The following ACTR3C variants were observed in gnomAD, a reference collection of about 807,000 sequenced individuals.
ACTR3C encodes the protein actin-related protein 3C.
A neutral mutation model predicts 26.3 loss-of-function variants in ACTR3C; 18 were observed. The observed-to-expected ratio is 0.68, with a 90% CI of 0.47 to 1.01. ACTR3C has a LOEUF of 1.01. Ranked by LOEUF, ACTR3C falls within the 50% of genes least tolerant of loss-of-function variation. The pLI is 0.00. For synonymous variants in ACTR3C, 55 were observed against 94.5 expected (o/e 0.58, Z 2.42); for missense variants, 184 against 250.7 (o/e 0.73, Z 1.80).
chr7:150,185,548 C>T, the ACTR3C span, among the ~76,000 whole-genome samples: 1 of 152,068 alleles, frequency 6.6e-6, no homozygotes, highest in Admixed American at 6.6e-5. Flanking sequence ...GAGGCAAGTT[C>T]ATAGGAGTGG....
At chr7:149,987,837 G>T in the ACTR3C span, among the ~76,000 whole-genome samples, 1 of 151,974 alleles carries the variant, frequency 6.6e-6, no homozygotes, top group African/African-American at 2.4e-5. Flanking sequence ...AGAAGAATCT[G>T]TTCAACAAAC....
the ACTR3C span, among the ~76,000 whole-genome samples, chr7:149,911,593 GA>G: frequency 4.9e-5 from 7 of 143,120 alleles, no homozygotes; most frequent in East Asian, 2.1e-4. Context: ...GATGGAACCA[GA>G]AAAAAAAATC....
chr7:150,060,606 G>GCAAAA, the ACTR3C span, among the ~76,000 whole-genome samples: 2 of 152,160 alleles, frequency 1.3e-5, no homozygotes, highest in African/African-American at 2.4e-5. Context: ...CAAAGCCAAA[G>GCAAAA]CAAAACAAAA....
intron 7 of ACTR3C, chr7:150,248,386 G>T (rs2129608920): frequency 6.6e-6 from 1 of 152,278 alleles, no homozygotes; most frequent in South Asian, 2.1e-4. Context: ...GAGTAGGCCG[G>T]GTGCGGTGGC....
At chr7:150,263,043 GA>G (rs1489482621) in intron 6 of ACTR3C, among the ~76,000 whole-genome samples, 6 of 152,200 alleles carry the variant, frequency 3.9e-5, no homozygotes, top group Non-Finnish European at 7.4e-5. Context: ...TAACGAACTA[GA>G]AGACTCTGTC....
chr7:149,943,113 G>GT, the ACTR3C span, among the ~76,000 whole-genome samples: 1 of 151,766 alleles, frequency 6.6e-6, no homozygotes, highest in Non-Finnish European at 1.5e-5. Context: ...GGGGCCTGCT[G>GT]TTTTGTAAAT....
At chr7:150,002,823 C>T in the ACTR3C span, 3 of 152,166 alleles carry the variant, frequency 2.0e-5, no homozygotes, top group African/African-American at 7.2e-5. Flanking sequence ...TCTATGCCAG[C>T]AGGAATTAAA....
At chr7:150,282,795 G>A (rs1344124386) in intron 6 of ACTR3C, among the ~76,000 whole-genome samples, 1 of 139,466 alleles carries the variant, frequency 7.2e-6, no homozygotes, top group African/African-American at 3.0e-5. Flanking sequence ...AGGATCGCTT[G>A]AGCCCGAGAG....
chr7:150,026,935 A>G, the ACTR3C span, among the ~76,000 whole-genome samples: 2 of 152,144 alleles, frequency 1.3e-5, no homozygotes, highest in Non-Finnish European at 2.9e-5. Flanking sequence ...TATCACAACT[A>G]TCTTCTGAGA....
chr7:150,073,178 G>A, the ACTR3C span, among the ~76,000 whole-genome samples: 1 of 152,080 alleles, frequency 6.6e-6, no homozygotes, highest in East Asian at 1.9e-4. Flanking sequence ...ACTTCAGAGA[G>A]ACCCCTCACC....
chr7:149,948,720 C>G, the ACTR3C span, among the ~76,000 whole-genome samples: 1 of 152,084 alleles, frequency 6.6e-6, no homozygotes, highest in Non-Finnish European at 1.5e-5. Context: ...GAGGTGACTC[C>G]CTTCAGACTT....
At chr7:149,944,558 G>T in the ACTR3C span, among the ~76,000 whole-genome samples, 1 of 150,386 alleles carries the variant, frequency 6.6e-6, no homozygotes, top group African/African-American at 2.5e-5. Flanking sequence ...CATCCTGATG[G>T]TAACATGCAA....
the ACTR3C span, among the ~76,000 whole-genome samples, chr7:150,147,411 G>C: frequency 2.6e-3 from 393 of 152,158 alleles, 2 homozygotes; most frequent in African/African-American, 7.3e-3. Flanking sequence ...ATTCCTGAAA[G>C]AAATACTGAT....
chr7:150,206,797 C>T, the ACTR3C span, among the ~76,000 whole-genome samples: 33,135 of 152,110 alleles, frequency 0.22, 5,610 homozygotes, highest in African/African-American at 0.47. Flanking sequence ...AGATGTCCAA[C>T]TGGCAGTTTA....
the ACTR3C span, among the ~76,000 whole-genome samples, chr7:150,098,873 C>T: frequency 6.6e-6 from 1 of 151,438 alleles, no homozygotes; most frequent in Non-Finnish European, 1.5e-5. Flanking sequence ...GATTGCCTTC[C>T]CTCATTGCAT....
chr7:150,035,953 C>A, the ACTR3C span, among the ~76,000 whole-genome samples: 6 of 134,188 alleles, frequency 4.5e-5, 1 homozygote, highest in Non-Finnish European at 1.0e-4. Flanking sequence ...TCCTCAGAGC[C>A]AGGGCGGGAA....
the ACTR3C span, among the ~76,000 whole-genome samples, chr7:150,105,091 T>C: frequency 1.5e-4 from 22 of 151,042 alleles, 2 homozygotes; most frequent in South Asian, 1.9e-3. Context: ...TTTTCTTTTT[T>C]TTTTTTTTTG....
the ACTR3C span, among the ~76,000 whole-genome samples, chr7:150,049,091 C>A: frequency 6.6e-6 from 1 of 152,042 alleles, no homozygotes; most frequent in African/African-American, 2.4e-5. Context: ...CCACTCGCCG[C>A]GCGCTCTCGG....
intron 6 of ACTR3C, among the ~76,000 whole-genome samples, chr7:150,272,090 C>T (rs993335054): frequency 4.8e-5 from 7 of 146,576 alleles, no homozygotes; most frequent in Admixed American, 2.0e-4. Flanking sequence ...ACAACAAAGT[C>T]GGTTTGAAGC....
Sources: allele counts gnomAD v4.1 joint callset (sites outside exome capture counted in the v4.1 genomes callset), GRCh38; gene constraint gnomAD v4.1.1; transcripts MANE v1.5; gene names NCBI Gene and HGNC (gene_info 2026-07-23, HGNC 2026-07-21).